Variants in SLC9A2 observed in about 807,000 individuals in gnomAD.
SLC9A2 encodes the protein sodium/hydrogen exchanger 2.
Under a neutral mutation model 71.7 loss-of-function variants are expected in SLC9A2, and 42 were observed. That is an observed-to-expected ratio of 0.59 (90% CI 0.46 to 0.76). SLC9A2 has a LOEUF of 0.76. Ranked by LOEUF, SLC9A2 falls within the 30% of genes least tolerant of loss-of-function variation. The pLI, the probability that SLC9A2 is intolerant of heterozygous loss-of-function variation, is 0.00. For synonymous variants in SLC9A2, 396 were observed against 392.5 expected (o/e 1.01, Z -0.10); for missense variants, 829 against 1,017.4 (o/e 0.81, Z 2.52).
chr2:102,708,031 C>A, intron 11 of SLC9A2, 88 bp from the exon 12 acceptor site: 2 of 1,393,350 alleles, frequency 1.4e-6, no homozygotes, highest in Non-Finnish European at 2.0e-6. Flanking sequence ...CAGGACGTAT[C>A]AGTTGCCTGA....
At chr2:102,689,900 A>C (rs1170338215) in intron 5 of SLC9A2, 1 of 152,230 alleles carries the variant, frequency 6.6e-6, no homozygotes, top group African/African-American at 2.4e-5. Flanking sequence ...TTTGCCTATT[A>C]GACATCTAAG....
At chr2:102,643,172 C>T (rs1307896789) in intron 1 of SLC9A2, among the ~76,000 whole-genome samples, 1 of 152,168 alleles carries the variant, frequency 6.6e-6, no homozygotes, top group Admixed American at 6.5e-5. Flanking sequence ...ATGGTGACGT[C>T]CATGTTCTCT....
intron 1 of SLC9A2, among the ~76,000 whole-genome samples, chr2:102,637,992 T>C (rs933368620): frequency 2.6e-5 from 4 of 152,226 alleles, no homozygotes; most frequent in Admixed American, 2.6e-4. Flanking sequence ...ATGGCCACTT[T>C]GCAGAAATTG....
intron 1 of SLC9A2, among the ~76,000 whole-genome samples, chr2:102,644,085 T>A (rs4851623): frequency 0.5 from 75,903 of 151,596 alleles, 19,976 homozygotes; most frequent in East Asian, 0.77. Context: ...TCCCAGCAAG[T>A]CCAATGCAGA....
chr2:102,619,881 G>A lies in SLC9A2; in HGVS notation c.33G>A (p.Arg11=). 1.9e-6 allele frequency: 3 copies of A among 1,561,542 alleles called. No homozygotes were observed. The South Asian group carries it at 3.5e-5, about 18-fold the overall frequency. Residue 11 remains arginine (R), a synonymous_variant, in exon 1 of 12, where the codon CGG becomes CGA. Coordinates refer to ENST00000233969, the MANE Select transcript of SLC9A2 (RefSeq NM_003048.6). The surrounding 1 kb of genome is among the most constrained non-coding windows in gnomAD (Gnocchi z 4.3). ...CACTGGGCAACTGGAGGAGCCTGCGGGCGCCACTGCCTCCGATGCTGTTGC... is the reference window on the plus strand; with the variant it reads ...CACTGGGCAACTGGAGGAGCCTGCGAGCGCCACTGCCTCCGATGCTGTTGC... MEPLGNWRSL[R]APLPPMLLLL... is the part of the protein sequence containing the mutation.
chr2:102,621,240 C>T (rs186819709), intron 1 of SLC9A2, among the ~76,000 whole-genome samples: 3 of 150,044 alleles, frequency 2.0e-5, no homozygotes, highest in South Asian at 2.1e-4. Context: ...GAGGCTGAGG[C>T]GGGAGCCTGA....
intron 1 of SLC9A2, among the ~76,000 whole-genome samples, chr2:102,630,892 TGTAATACTTGGG>T (rs1237469447): frequency 6.6e-6 from 1 of 152,062 alleles, no homozygotes. Context: ...TTCTGTTATT[TGTAATACTTGGG>T]GTGCTAATTC....
chr2:102,630,604 G>A (rs139025306), intron 1 of SLC9A2, among the ~76,000 whole-genome samples: 49 of 151,042 alleles, frequency 3.2e-4, no homozygotes, highest in African/African-American at 9.2e-4. Flanking sequence ...CACGTTTTTC[G>A]TCTCTTCATT....
Position 102,682,490 on chromosome 2 carries a change from C to A in SLC9A2, c.1005-771C>A, listed in dbSNP as rs139339765. Among the ~76,000 whole-genome samples, 1,126 of 152,272 alleles carry A rather than the reference C, an allele frequency of 7.4e-3. 14 individuals are homozygous for A. The highest frequency in any genetic ancestry group is 0.024 in the African/African-American group (1,003 of 41,562). On this transcript the variant is annotated intron_variant, in intron 3 of 11. Transcript: ENST00000233969. ...GAGCTTCAGGAGTGTGGACTTGACCCTGGAGCCCTTCCTTTTCTCCAGGTG... is the reference window on the plus strand; with the variant it reads ...GAGCTTCAGGAGTGTGGACTTGACCATGGAGCCCTTCCTTTTCTCCAGGTG...
intron 3 of SLC9A2, 114 bp from the exon 4 acceptor site, chr2:102,683,147 T>G: frequency 2.8e-6 from 2 of 720,512 alleles, no homozygotes; most frequent in Non-Finnish European, 4.9e-6. Flanking sequence ...CATTCGATGA[T>G]GTTGTAGTCT....
At chr2:102,638,283 A>G (rs1275569920) in intron 1 of SLC9A2, among the ~76,000 whole-genome samples, 1 of 152,234 alleles carries the variant, frequency 6.6e-6, no homozygotes. Context: ...TTAGGGACTC[A>G]GGATCAGTTG....
chr2:102,623,517 C>T (rs899149119), intron 1 of SLC9A2, among the ~76,000 whole-genome samples: 1 of 152,098 alleles, frequency 6.6e-6, no homozygotes, highest in African/African-American at 2.4e-5. Context: ...GCAGGACCGT[C>T]CTGGTGCTGT....
chr2:102,650,359 C>G (rs1437702848), intron 1 of SLC9A2, among the ~76,000 whole-genome samples: 1 of 151,902 alleles, frequency 6.6e-6, no homozygotes, highest in Non-Finnish European at 1.5e-5. Flanking sequence ...AGCATTAGGA[C>G]AAATACCTAA....
At chr2:102,701,014 C>T (rs1677863173) in intron 7 of SLC9A2, 56 bp from the exon 8 acceptor site, 1 of 1,280,410 alleles carries the variant, frequency 7.8e-7, no homozygotes. Context: ...GTAAAAACAA[C>T]AACTATTTTC....
intron 1 of SLC9A2, 112 bp from the exon 2 acceptor site, chr2:102,657,452 G>A (rs1676965652): frequency 1.5e-6 from 1 of 671,798 alleles, no homozygotes; most frequent in East Asian, 2.7e-5. Flanking sequence ...CAGTGATACT[G>A]ACTTGGGAGA....
rs753700807 is a variant in SLC9A2 at position 102,619,896 on chromosome 2, G to A, written c.48G>A (p.Pro16=). 3.2e-6 allele frequency: 5 copies of A among 1,586,694 alleles called. No individual in the cohort carries two copies. In the African/African-American group the frequency reaches 6.7e-5, roughly 21 times the overall value. Residue 16 remains proline (P), a synonymous_variant, in exon 1 of 12, where the codon CCG becomes CCA. Coordinates refer to ENST00000233969, the MANE Select transcript of SLC9A2 (RefSeq NM_003048.6). This position sits in a 1 kb window ranked among gnomAD's most constrained non-coding sequence, Gnocchi z 4.3. ...NWRSLRAPLP[P]MLLLLLLQVA... is the part of the protein sequence containing the mutation. ...GGAGCCTGCGGGCGCCACTGCCTCC[G>A]ATGCTGTTGCTGCTGCTCCTGCAGG... is the stretch of plus-strand genomic sequence containing the variant.
intron 7 of SLC9A2, among the ~76,000 whole-genome samples, chr2:102,698,577 T>C (rs1299363338): frequency 2.0e-5 from 3 of 152,206 alleles, no homozygotes; most frequent in Admixed American, 2.0e-4. Flanking sequence ...GGCTTGTTCA[T>C]GTGCTCCAGT....
chr2:102,643,986 T>G (rs4851622), intron 1 of SLC9A2, among the ~76,000 whole-genome samples: 75,794 of 151,532 alleles, frequency 0.5, 19,943 homozygotes, highest in East Asian at 0.77. Context: ...CCATTACTTT[T>G]GTCACTGATT....
intron 1 of SLC9A2, among the ~76,000 whole-genome samples, chr2:102,637,463 T>C (rs1421668394): frequency 1.3e-5 from 2 of 152,204 alleles, no homozygotes; most frequent in Non-Finnish European, 2.9e-5. Flanking sequence ...ATTTCCGAGC[T>C]GTCCAGTGGG....
Sources: allele counts gnomAD v4.1 joint callset (sites outside exome capture counted in the v4.1 genomes callset), GRCh38; gene constraint gnomAD v4.1.1; non-coding constraint Gnocchi (gnomAD v3.1); transcripts MANE v1.5; gene names NCBI Gene and HGNC (gene_info 2026-07-23, HGNC 2026-07-21).